Variants in NOS1AP observed in about 807,000 individuals in gnomAD.
The protein encoded by NOS1AP is nitric oxide synthase 1 adaptor protein.
NOS1AP carries 21 observed loss-of-function variants against 56.2 expected under a neutral mutation model. The ratio of observed to expected loss-of-function variants is 0.37; its 90% CI spans 0.26 to 0.54. NOS1AP has a LOEUF of 0.54. NOS1AP is among the 20% of genes least tolerant of loss of function. The pLI is 0.84. For synonymous variants in NOS1AP, 270 were observed against 274.6 expected, an observed-to-expected ratio of 0.98 and a Z score of 0.17; for missense variants, 522 against 657.8, an observed-to-expected ratio of 0.79 and a Z score of 2.26.
intron 2 of NOS1AP, among the ~76,000 whole-genome samples, chr1:162,271,348 C>T (rs1475115851): frequency 6.7e-6 from 1 of 150,200 alleles, no homozygotes. Context: ...AGAGTGTTTA[C>T]TTTTTTCATA....
chr1:162,340,524 C>T (rs1036752527), intron 5 of NOS1AP, among the ~76,000 whole-genome samples: 1 of 152,220 alleles, frequency 6.6e-6, no homozygotes, highest in South Asian at 2.1e-4. Context: ...TTAATTGCCT[C>T]TTGGTGCAGT....
intron 1 of NOS1AP, among the ~76,000 whole-genome samples, chr1:162,133,053 A>G (rs905481492): frequency 4.6e-5 from 7 of 152,194 alleles, no homozygotes; most frequent in African/African-American, 1.4e-4. Context: ...ATATTGCAAT[A>G]TCACGTGTTG....
intron 1 of NOS1AP, among the ~76,000 whole-genome samples, chr1:162,128,325 A>G (rs1648580598): frequency 6.6e-6 from 1 of 152,078 alleles, no homozygotes; most frequent in African/African-American, 2.4e-5. Flanking sequence ...ACATTTCTGT[A>G]TGCACTTGGG....
intron 1 of NOS1AP, among the ~76,000 whole-genome samples, chr1:162,073,712 C>T (rs576606047): frequency 2.0e-5 from 3 of 152,342 alleles, no homozygotes; most frequent in African/African-American, 7.2e-5. Flanking sequence ...CTGCCTGCCC[C>T]AGCCTCCCAA....
At chr1:162,150,071 T>G (rs190355815) in intron 1 of NOS1AP, among the ~76,000 whole-genome samples, 1 of 152,302 alleles carries the variant, frequency 6.6e-6, no homozygotes, top group Non-Finnish European at 1.5e-5. Context: ...AAATACTAGA[T>G]CTTACTCATT....
At chr1:162,072,890 T>C (rs1021144084) in intron 1 of NOS1AP, among the ~76,000 whole-genome samples, 4 of 152,226 alleles carry the variant, frequency 2.6e-5, no homozygotes, top group African/African-American at 9.6e-5. Flanking sequence ...AAATGCAGGC[T>C]GGAAAATGCA....
At chr1:162,256,586 T>C (rs956331118) in intron 2 of NOS1AP, among the ~76,000 whole-genome samples, 1 of 152,200 alleles carries the variant, frequency 6.6e-6, no homozygotes, top group Non-Finnish European at 1.5e-5. Context: ...ACTGCACTGT[T>C]TTCCTTCCTT....
chr1:162,356,844 A>G, intron 7 of NOS1AP, 116 bp from the exon 8 acceptor site: 1 of 1,601,066 alleles, frequency 6.2e-7, no homozygotes, highest in Non-Finnish European at 8.5e-7. Context: ...TAGTGCTGTC[A>G]GCTTATGGGT....
intron 4 of NOS1AP, among the ~76,000 whole-genome samples, chr1:162,309,174 C>T (rs1655940753): frequency 1.3e-5 from 2 of 152,090 alleles, no homozygotes; most frequent in Admixed American, 1.3e-4. Context: ...AATCAGGATA[C>T]CCATGTAGTA....
chr1:162,345,178 T>TA (rs1420762671), intron 6 of NOS1AP, among the ~76,000 whole-genome samples: 1 of 152,044 alleles, frequency 6.6e-6, no homozygotes, highest in Non-Finnish European at 1.5e-5. Context: ...TATTATACTT[T>TA]AAGTTTTAGG....
intron 1 of NOS1AP, among the ~76,000 whole-genome samples, chr1:162,117,228 A>G (rs1348405107): frequency 6.6e-6 from 1 of 152,162 alleles, no homozygotes; most frequent in African/African-American, 2.4e-5. Flanking sequence ...GTCTCTCCAG[A>G]TATTGCAGGT....
At chr1:162,074,940 T>C (rs1390466077) in intron 1 of NOS1AP, among the ~76,000 whole-genome samples, 2 of 152,202 alleles carry the variant, frequency 1.3e-5, no homozygotes. Context: ...GCAGAAGCTC[T>C]TAAGGTTGGG....
chr1:162,132,410 T>C (rs1648791800), intron 1 of NOS1AP, among the ~76,000 whole-genome samples: 1 of 152,206 alleles, frequency 6.6e-6, no homozygotes, highest in Non-Finnish European at 1.5e-5. Flanking sequence ...TGTAAAATAA[T>C]TTTCTACCCA....
intron 2 of NOS1AP, among the ~76,000 whole-genome samples, chr1:162,285,449 T>C (rs1032016179): frequency 6.6e-6 from 1 of 152,206 alleles, no homozygotes; most frequent in African/African-American, 2.4e-5. Context: ...CTGAGCAGAA[T>C]GCTGCAGTCA....
chr1:162,150,800 C>G (rs1472936888), intron 1 of NOS1AP, among the ~76,000 whole-genome samples: 1 of 152,102 alleles, frequency 6.6e-6, no homozygotes, highest in African/African-American at 2.4e-5. Flanking sequence ...ATATTTAAAT[C>G]AGATTATTAG....
chr1:162,147,884 G>A (rs772277405), intron 1 of NOS1AP, among the ~76,000 whole-genome samples: 5 of 152,074 alleles, frequency 3.3e-5, no homozygotes, highest in African/African-American at 4.8e-5. Context: ...AGTGGTCAAT[G>A]TTCTGAATAG....
At chr1:162,169,141 C>T (rs883339) in intron 2 of NOS1AP, among the ~76,000 whole-genome samples, 149,429 of 152,380 alleles carry the variant, frequency 0.98, 73,330 homozygotes, top group East Asian at 1. Flanking sequence ...ATGGGCTTTG[C>T]AGCAGCTCTC....
intron 1 of NOS1AP, among the ~76,000 whole-genome samples, chr1:162,141,530 T>A (rs1400840751): frequency 1.3e-5 from 2 of 152,198 alleles, no homozygotes; most frequent in Non-Finnish European, 2.9e-5. Flanking sequence ...AGTGCTGATG[T>A]CTCTCTTCCC....
At chr1:162,202,049 A>C (rs1652010366) in intron 2 of NOS1AP, among the ~76,000 whole-genome samples, 1 of 152,190 alleles carries the variant, frequency 6.6e-6, no homozygotes, top group South Asian at 2.1e-4. Flanking sequence ...GGCAAAACTC[A>C]GGTTTTGACA....
Sources: gnomAD v4.1 joint callset for allele counts (sites outside exome capture counted in the v4.1 genomes callset) on GRCh38, gnomAD v4.1.1 for gene constraint, MANE v1.5 for transcripts, NCBI Gene and HGNC (gene_info 2026-07-23, HGNC 2026-07-21) for gene names.